THTPA: variants seen among roughly 807,000 people sequenced by gnomAD.
THTPA encodes the protein thiamine-triphosphatase.
A neutral mutation model predicts 16.5 loss-of-function variants in THTPA; 16 were observed. The ratio of observed to expected loss-of-function variants is 0.97; its 90% CI spans 0.66 to 1.47. The LOEUF (loss-of-function observed/expected upper bound fraction) is 1.47. Among genes scored for constraint, THTPA ranks in the 40% most tolerant of loss-of-function variants. The probability of loss-of-function intolerance (pLI) is 0.00; values close to 1 mark genes in which losing one functional copy is unlikely to be tolerated. For synonymous variants in THTPA, 110 were observed against 115.5 expected (o/e 0.95, Z 0.30); for missense variants, 281 against 280.9 (o/e 1.00, Z 0.00).
At chr14:23,544,712 A>G in the THTPA span, among the ~76,000 whole-genome samples, 5 of 151,728 alleles carry the variant, frequency 3.3e-5, no homozygotes, top group Admixed American at 1.3e-4. Context: ...ATCTCGTTAC[A>G]CTCTCGCTGC....
the THTPA span, chr14:23,526,063 T>C: frequency 6.5e-7 from 1 of 1,536,544 alleles, no homozygotes; most frequent in Admixed American, 2.0e-5. Context: ...CCTTGGGCTC[T>C]TCTTGGCTGC....
the THTPA span, among the ~76,000 whole-genome samples, chr14:23,545,597 T>A: frequency 6.6e-6 from 1 of 152,184 alleles, no homozygotes; most frequent in Non-Finnish European, 1.5e-5. Flanking sequence ...TCTCTCTAAT[T>A]TCAAGTGCAC....
At chr14:23,542,503 G>A in the THTPA span, among the ~76,000 whole-genome samples, 2 of 152,164 alleles carry the variant, frequency 1.3e-5, no homozygotes, top group South Asian at 4.1e-4. Context: ...GCAGTGTGGA[G>A]CTGCTCTGCT....
At chr14:23,534,242 C>T in the THTPA span, 1 of 1,523,302 alleles carries the variant, frequency 6.6e-7, no homozygotes, top group Non-Finnish European at 8.8e-7. This position sits in a 1 kb window ranked among gnomAD's most constrained non-coding sequence, Gnocchi z 4.5. Flanking sequence ...ACTGGCGATT[C>T]TTTGGCTTGG....
At position 23,556,779 on chromosome 14, in the gene THTPA, G is replaced by A. The variant is rs775128403; in HGVS notation, c.22G>A (p.Val8Met). ...TAGCATGGCCCAGGGCTTGATTGAG[G>A]TGGAGCGAAAGTTCCTTCCAGGGCC... MAQGLIE[V>M]ERKFLPGPGT... Residue 8 changes from valine to methionine, a missense_variant, in exon 1 of 2, where the codon GTG becomes ATG. Transcript: ENST00000288014. 2 of 1,613,456 alleles carry A rather than the reference G, an allele frequency of 1.2e-6. No homozygotes were observed. The highest frequency in any genetic ancestry group is 1.3e-5 in the African/African-American group (1 of 74,906).
the THTPA span, among the ~76,000 whole-genome samples, chr14:23,512,296 C>T: frequency 3.3e-5 from 5 of 151,908 alleles, no homozygotes; most frequent in Admixed American, 2.6e-4. Context: ...GCCATGGATG[C>T]AAACACACTT....
At chr14:23,553,272 G>C (rs552448164), upstream of THTPA, among the ~76,000 whole-genome samples, 2 of 152,306 alleles carry the variant, frequency 1.3e-5, no homozygotes, top group South Asian at 4.1e-4. Flanking sequence ...ATCCTCACAG[G>C]TAACTGTGAG....
At chr14:23,550,334 C>T in the THTPA span, among the ~76,000 whole-genome samples, 3 of 152,214 alleles carry the variant, frequency 2.0e-5, no homozygotes, top group Non-Finnish European at 4.4e-5. Flanking sequence ...ACAATCATGA[C>T]TGATAAGCAA....
At chr14:23,528,804 G>A in the THTPA span, 252,167 of 985,252 alleles carry the variant, frequency 0.26, 33,694 homozygotes, top group East Asian at 0.38. Flanking sequence ...ACTTCCAGAG[G>A]GGTGAGGCTG....
chr14:23,532,916 T>G, the THTPA span: 254 of 1,536,012 alleles, frequency 1.7e-4, no homozygotes, highest in Non-Finnish European at 2.1e-4. Flanking sequence ...GCTGCAGTGG[T>G]AGAGCAGCAG....
chr14:23,513,224 G>A, the THTPA span: 2 of 152,304 alleles, frequency 1.3e-5, no homozygotes, highest in Non-Finnish European at 2.9e-5. Context: ...CAGCTCCATC[G>A]GCTGCCAACC....
the THTPA span, among the ~76,000 whole-genome samples, chr14:23,548,805 G>A: frequency 6.6e-6 from 1 of 152,116 alleles, no homozygotes; most frequent in Non-Finnish European, 1.5e-5. Flanking sequence ...TTCGCCCAGT[G>A]GTATTCCTGC....
chr14:23,552,110 C>T (rs1293593005), upstream of THTPA, among the ~76,000 whole-genome samples: 2 of 152,020 alleles, frequency 1.3e-5, no homozygotes, highest in Non-Finnish European at 2.9e-5. Flanking sequence ...CTTATTATTC[C>T]GCCTCCCCCA....
At chr14:23,533,703 C>T in the THTPA span, 116 of 1,541,224 alleles carry the variant, frequency 7.5e-5, no homozygotes, top group African/African-American at 9.6e-5. This position sits in a 1 kb window ranked among gnomAD's most constrained non-coding sequence, Gnocchi z 4.8. Flanking sequence ...CACCAGGGCC[C>T]GCCTGGAAGC....
chr14:23,531,605 A>G, the THTPA span: 1 of 1,524,802 alleles, frequency 6.6e-7, no homozygotes, highest in Non-Finnish European at 8.8e-7. Context: ...CGCGGTGGGC[A>G]GGTGTGCGCA....
At chr14:23,551,674 T>TCTCCTCCTCGCCCTCCTCCTC (rs1566598349), upstream of THTPA, 4 of 151,636 alleles carry the variant, frequency 2.6e-5, no homozygotes, top group Admixed American at 1.3e-4. This position sits in a 1 kb window ranked among gnomAD's most constrained non-coding sequence, Gnocchi z 5.3. Flanking sequence ...TCCTCCTCCT[T>TCTCCTCCTCGCCCTCCTCCTC]CTCCTCCTCG....
the THTPA span, among the ~76,000 whole-genome samples, chr14:23,547,346 G>A: frequency 2.6e-5 from 4 of 152,252 alleles, no homozygotes; most frequent in African/African-American, 7.2e-5. Context: ...CCTTATTTGC[G>A]GCCATTGTAT....
the THTPA span, chr14:23,526,875 C>T: frequency 3.3e-6 from 5 of 1,533,986 alleles, no homozygotes; most frequent in Admixed American, 7.9e-5. Flanking sequence ...TCGGTGTAGG[C>T]TCTGGCCCAT....
At chr14:23,557,784 C>T (rs879419355) in intron 1 of THTPA, among the ~76,000 whole-genome samples, 5 of 152,108 alleles carry the variant, frequency 3.3e-5, no homozygotes, top group South Asian at 2.1e-4. Flanking sequence ...GTCACCACTC[C>T]TCCACAAGGA....
Sources: gnomAD v4.1 joint callset for allele counts (sites outside exome capture counted in the v4.1 genomes callset) on GRCh38, gnomAD v4.1.1 for gene constraint, Gnocchi (gnomAD v3.1) non-coding constraint, MANE v1.5 for transcripts, NCBI Gene and HGNC (gene_info 2026-07-23, HGNC 2026-07-21) for gene names.